The following SGMS1 variants were observed in gnomAD, a reference collection of about 807,000 sequenced individuals.
SGMS1 encodes the protein sphingomyelin synthase 1.
A neutral mutation model predicts 46.2 loss-of-function variants in SGMS1; 13 were observed. The observed-to-expected ratio is 0.28, with a 90% CI of 0.18 to 0.45. The LOEUF (loss-of-function observed/expected upper bound fraction) is 0.45. Among genes scored for constraint, SGMS1 ranks in the 20% least tolerant of loss-of-function variants. SGMS1 has a pLI of 1.00. For synonymous variants in SGMS1, 203 were observed against 187.8 expected (o/e 1.08, Z -0.66); for missense variants, 324 against 519.9 (o/e 0.62, Z 3.66).
At chr10:50,522,545 A>C (rs920975105) in intron 2 of SGMS1, among the ~76,000 whole-genome samples, 9 of 152,172 alleles carry the variant, frequency 5.9e-5, no homozygotes, top group African/African-American at 2.2e-4. Context: ...TTCCATTATA[A>C]GGTAAACAAT....
At position 50,518,355 on chromosome 10, in the gene SGMS1, A is replaced by G. The variant is rs141661105; in HGVS notation, c.-498+1476T>C. ...AGAGAAAGAAAAATTGAATAAGAAT[A>G]TAAACCAACAAGAAGTTCAACTCAA... is the stretch of plus-strand genomic sequence containing the variant. On this transcript the variant is annotated intron_variant, in intron 3 of 10. Coordinates refer to ENST00000361781, the MANE Select transcript of SGMS1 (RefSeq NM_147156.4). 9.4e-4 allele frequency among the ~76,000 whole-genome samples: 143 copies of G among 152,370 alleles called. 1 individual carries two copies. Among genetic ancestry groups the G allele is most frequent in the African/African-American group, 3.4e-3 (140 of 41,590 alleles).
intron 6 of SGMS1, among the ~76,000 whole-genome samples, chr10:50,427,632 G>A (rs1303530624): frequency 6.6e-6 from 1 of 152,116 alleles, no homozygotes; most frequent in Non-Finnish European, 1.5e-5. Flanking sequence ...ATACAACAAA[G>A]TGGGGACACT....
At chr10:50,373,939 A>G (rs1167199876) in intron 6 of SGMS1, among the ~76,000 whole-genome samples, 3 of 152,212 alleles carry the variant, frequency 2.0e-5, no homozygotes, top group East Asian at 3.8e-4. Flanking sequence ...TACACATTAT[A>G]TAGACATCCT....
intron 2 of SGMS1, among the ~76,000 whole-genome samples, chr10:50,529,385 AT>A (rs1366413814): frequency 6.6e-6 from 1 of 152,190 alleles, no homozygotes; most frequent in African/African-American, 2.4e-5. Flanking sequence ...CCTTACCACA[AT>A]ACAATGCTAG....
At chr10:50,348,113 T>C (rs960774339) in intron 6 of SGMS1, among the ~76,000 whole-genome samples, 1 of 152,204 alleles carries the variant, frequency 6.6e-6, no homozygotes, top group African/African-American at 2.4e-5. Context: ...CATGTGGTTT[T>C]TGGTTTTCTG....
At chr10:50,574,970 T>TATATAC (rs1349982170) in intron 2 of SGMS1, among the ~76,000 whole-genome samples, 5 of 141,880 alleles carry the variant, frequency 3.5e-5, no homozygotes, top group African/African-American at 1.2e-4. Flanking sequence ...GGTGTATATA[T>TATATAC]ATATATATAT....
At chr10:50,389,262 G>A (rs1371952115) in intron 6 of SGMS1, among the ~76,000 whole-genome samples, 2 of 152,088 alleles carry the variant, frequency 1.3e-5, no homozygotes, top group Non-Finnish European at 2.9e-5. Flanking sequence ...TATGTTTATA[G>A]TTTACCTTAA....
chr10:50,369,590 G>A (rs1019159389), intron 6 of SGMS1, among the ~76,000 whole-genome samples: 1 of 149,332 alleles, frequency 6.7e-6, no homozygotes, highest in African/African-American at 2.4e-5. Context: ...CAACAAATGT[G>A]GAGGAAAAAA....
intron 6 of SGMS1, among the ~76,000 whole-genome samples, chr10:50,347,050 T>A (rs1402950339): frequency 6.6e-6 from 1 of 152,180 alleles, no homozygotes; most frequent in African/African-American, 2.4e-5. Flanking sequence ...TTTAAAGATA[T>A]TTCAGACTTT....
upstream of SGMS1, chr10:50,625,099 A>T: frequency 1.0e-6 from 1 of 983,958 alleles, no homozygotes; most frequent in Non-Finnish European, 1.2e-6. Flanking sequence ...CTTGGGGTAT[A>T]GGAGTCCTGT....
intron 3 of SGMS1, among the ~76,000 whole-genome samples, chr10:50,487,502 T>C (rs1278533939): frequency 6.6e-6 from 1 of 152,186 alleles, no homozygotes; most frequent in Non-Finnish European, 1.5e-5. Context: ...AAAAACTAAA[T>C]AAATAAATGC....
At chr10:50,565,262 G>C (rs1226807987) in intron 2 of SGMS1, among the ~76,000 whole-genome samples, 1 of 151,884 alleles carries the variant, frequency 6.6e-6, no homozygotes. Flanking sequence ...ACACACAATA[G>C]GTCTTCAGAG....
chr10:50,553,564 A>G (rs957351608), intron 2 of SGMS1, among the ~76,000 whole-genome samples: 3 of 152,208 alleles, frequency 2.0e-5, no homozygotes, highest in Non-Finnish European at 4.4e-5. Context: ...TCAGTTTGAC[A>G]AATTATAAAT....
intron 8 of SGMS1, among the ~76,000 whole-genome samples, chr10:50,321,528 A>G (rs1393790688): frequency 6.6e-6 from 1 of 152,250 alleles, no homozygotes; most frequent in Non-Finnish European, 1.5e-5. Context: ...ACGTTACTGG[A>G]AAGTATATGC....
intron 6 of SGMS1, among the ~76,000 whole-genome samples, chr10:50,393,811 C>A (rs927318063): frequency 6.6e-6 from 1 of 152,194 alleles, no homozygotes; most frequent in African/African-American, 2.4e-5. Flanking sequence ...CAGGTGATAG[C>A]AGCTTTGGCT....
At chr10:50,480,557 A>C (rs1338668775) in intron 3 of SGMS1, among the ~76,000 whole-genome samples, 1 of 152,150 alleles carries the variant, frequency 6.6e-6, no homozygotes, top group Non-Finnish European at 1.5e-5. Flanking sequence ...TCCCAACCCC[A>C]GCCAGGGGAG....
intron 2 of SGMS1, among the ~76,000 whole-genome samples, chr10:50,555,462 A>C (rs1318800317): frequency 6.6e-6 from 1 of 152,198 alleles, no homozygotes; most frequent in Admixed American, 6.5e-5. Flanking sequence ...AGCCAGCCAG[A>C]AGATTCCAAT....
chr10:50,393,012 C>A (rs1848797383), intron 6 of SGMS1, among the ~76,000 whole-genome samples: 1 of 148,770 alleles, frequency 6.7e-6, no homozygotes, highest in South Asian at 2.1e-4. Context: ...TTTTAATGAA[C>A]CAAAAAATTT....
At chr10:50,530,755 G>C (rs2133803713) in intron 2 of SGMS1, among the ~76,000 whole-genome samples, 1 of 152,202 alleles carries the variant, frequency 6.6e-6, no homozygotes, top group East Asian at 1.9e-4. Context: ...GAAGCACTGG[G>C]ATTGCAGGCA....
Sources: gnomAD v4.1 joint callset for allele counts (sites outside exome capture counted in the v4.1 genomes callset) on GRCh38, gnomAD v4.1.1 for gene constraint, MANE v1.5 for transcripts, NCBI Gene and HGNC (gene_info 2026-07-23, HGNC 2026-07-21) for gene names.